The following EYS variants were observed in gnomAD, a reference collection of about 807,000 sequenced individuals.
The protein encoded by EYS is EGF-like photoreceptor maintenance factor.
EYS carries 250 observed loss-of-function variants against 282.1 expected under a neutral mutation model. The ratio of observed to expected loss-of-function variants is 0.89; its 90% CI spans 0.80 to 0.98. The LOEUF (loss-of-function observed/expected upper bound fraction) is 0.98. Among genes scored for constraint, EYS ranks in the 50% least tolerant of loss-of-function variants. The pLI is 0.00. For missense variants in EYS, 4,016 were observed against 3,709.0 expected (o/e 1.08, Z -2.15); for synonymous variants, 1,355 against 1,282.9 (o/e 1.06, Z -1.20).
chr6:65,434,409 CT>C, intron 5 of EYS, among the ~76,000 whole-genome samples: 1 of 151,828 alleles, frequency 6.6e-6, no homozygotes. Flanking sequence ...CAAGCTCTGC[CT>C]CCCACGTTCA....
chr6:65,052,190 C>A (rs1374910266), intron 13 of EYS, among the ~76,000 whole-genome samples: 1 of 151,172 alleles, frequency 6.6e-6, no homozygotes, highest in Non-Finnish European at 1.5e-5. Flanking sequence ...TTTCACATAC[C>A]CAACCCCATT....
intron 22 of EYS, among the ~76,000 whole-genome samples, chr6:64,777,230 A>C (rs976707896): frequency 2.6e-5 from 4 of 152,198 alleles, no homozygotes; most frequent in African/African-American, 9.6e-5. Flanking sequence ...GTAGACTGGG[A>C]TATAAAATAG....
intron 8 of EYS, among the ~76,000 whole-genome samples, chr6:65,353,977 T>A (rs1455410653): frequency 6.6e-6 from 1 of 152,132 alleles, no homozygotes; most frequent in Non-Finnish European, 1.5e-5. Flanking sequence ...AACGGTTGAA[T>A]TAGCACAATA....
chr6:64,512,129 A>G (rs1395313945), intron 26 of EYS, among the ~76,000 whole-genome samples: 1 of 150,892 alleles, frequency 6.6e-6, no homozygotes, highest in Non-Finnish European at 1.5e-5. Flanking sequence ...ATGCATATAT[A>G]CACACATATA....
intron 35 of EYS, among the ~76,000 whole-genome samples, chr6:63,872,166 T>G (rs972136843): frequency 1.3e-5 from 2 of 152,182 alleles, no homozygotes; most frequent in Non-Finnish European, 2.9e-5. Flanking sequence ...GTGAGCTCCC[T>G]AGAGTCCCAG....
chr6:65,412,628 C>T (rs1767065677), intron 5 of EYS, among the ~76,000 whole-genome samples: 1 of 151,934 alleles, frequency 6.6e-6, no homozygotes, highest in Admixed American at 6.6e-5. Context: ...ATCCTTATAG[C>T]TTCTTCAGTG....
chr6:65,129,792 C>T (rs980895092), intron 12 of EYS, among the ~76,000 whole-genome samples: 1 of 151,914 alleles, frequency 6.6e-6, no homozygotes, highest in Non-Finnish European at 1.5e-5. Context: ...TTTGACCCAA[C>T]AGTCCCAATA....
intron 26 of EYS, among the ~76,000 whole-genome samples, chr6:64,477,614 T>C (rs1000490183): frequency 1.3e-5 from 2 of 152,112 alleles, no homozygotes; most frequent in African/African-American, 2.4e-5. Context: ...TCAAAGGAGA[T>C]GTATCTTCAA....
chr6:65,214,028 G>A (rs1351764113), intron 12 of EYS, among the ~76,000 whole-genome samples: 2 of 151,614 alleles, frequency 1.3e-5, no homozygotes, highest in Non-Finnish European at 2.9e-5. Flanking sequence ...GCATGGTGGC[G>A]GGTGCCTGTA....
intron 1 of EYS, among the ~76,000 whole-genome samples, chr6:65,683,458 T>C (rs1768902717): frequency 6.6e-6 from 1 of 151,072 alleles, no homozygotes; most frequent in South Asian, 2.1e-4. Flanking sequence ...TTGAATACAG[T>C]TTGCTTGCCT....
chr6:64,990,588 T>C (rs1406210294), intron 14 of EYS, among the ~76,000 whole-genome samples: 2 of 151,652 alleles, frequency 1.3e-5, no homozygotes, highest in African/African-American at 4.8e-5. Context: ...AATCATTTTT[T>C]AAGCTAGATA....
At chr6:65,437,384 AG>A (rs1408828899) in intron 5 of EYS, among the ~76,000 whole-genome samples, 2 of 152,174 alleles carry the variant, frequency 1.3e-5, no homozygotes, top group Non-Finnish European at 2.9e-5. Context: ...ATTAACTCTT[AG>A]ATGATAGTTG....
chr6:65,388,765 T>C (rs1049623268), intron 7 of EYS, among the ~76,000 whole-genome samples: 2 of 152,060 alleles, frequency 1.3e-5, no homozygotes, highest in Non-Finnish European at 2.9e-5. Context: ...AACATGATTT[T>C]AAAACATATA....
At chr6:64,329,984 C>A (rs1770579346) in intron 29 of EYS, among the ~76,000 whole-genome samples, 1 of 152,092 alleles carries the variant, frequency 6.6e-6, no homozygotes, top group South Asian at 2.1e-4. Flanking sequence ...ATACTTGGAC[C>A]AGACTCCACC....
At chr6:64,410,924 C>T (rs1044549799) in intron 28 of EYS, among the ~76,000 whole-genome samples, 1 of 152,058 alleles carries the variant, frequency 6.6e-6, no homozygotes, top group African/African-American at 2.4e-5. Context: ...ATTTTGGATA[C>T]TCAAAATTTT....
At chr6:65,663,145 C>A (rs1459079376) in intron 1 of EYS, among the ~76,000 whole-genome samples, 1 of 152,140 alleles carries the variant, frequency 6.6e-6, no homozygotes, top group African/African-American at 2.4e-5. Flanking sequence ...CTTATATGCA[C>A]TCTACAGTTT....
At chr6:64,088,540 A>AT (rs1228109738) in intron 31 of EYS, among the ~76,000 whole-genome samples, 2 of 152,018 alleles carry the variant, frequency 1.3e-5, no homozygotes, top group East Asian at 3.8e-4. Context: ...AAGTTCCTAA[A>AT]TTATATTAAA....
At chr6:65,377,039 A>G (rs1041166077) in intron 8 of EYS, among the ~76,000 whole-genome samples, 5 of 152,238 alleles carry the variant, frequency 3.3e-5, no homozygotes, top group Non-Finnish European at 5.9e-5. Context: ...AGATATCTAC[A>G]GAACTGTCCA....
chr6:64,137,640 AAGG>A, intron 31 of EYS, among the ~76,000 whole-genome samples: 1 of 151,700 alleles, frequency 6.6e-6, no homozygotes, highest in Non-Finnish European at 1.5e-5. Flanking sequence ...GAGAGAGAGA[AAGG>A]AGAATTACTG....
Sources: allele counts gnomAD v4.1 joint callset (sites outside exome capture counted in the v4.1 genomes callset), GRCh38; gene constraint gnomAD v4.1.1; transcripts MANE v1.5; gene names NCBI Gene and HGNC (gene_info 2026-07-23, HGNC 2026-07-21).